Variants in LMO7 observed in about 807,000 individuals in gnomAD.
LMO7 encodes LIM domain 7, also known as LIM domain only protein 7.
A neutral mutation model predicts 206.5 loss-of-function variants in LMO7; 120 were observed. The observed-to-expected ratio is 0.58, with a 90% confidence interval of 0.50 to 0.68. The LOEUF (loss-of-function observed/expected upper bound fraction) is 0.68, where lower values mean the gene tolerates loss of function less well. Among genes scored for constraint, LMO7 ranks in the 30% least tolerant of loss-of-function variants. The pLI, the probability that LMO7 is intolerant of heterozygous loss-of-function variation, is 0.00. For missense variants in LMO7, 1,959 were observed against 1,957.9 expected (o/e 1.00, Z -0.01); for synonymous variants, 706 against 681.5 (o/e 1.04, Z -0.56).
At chr13:75,777,165 T>G (rs1313897721) in intron 4 of LMO7, among the ~76,000 whole-genome samples, 1 of 151,192 alleles carries the variant, frequency 6.6e-6, no homozygotes, top group Non-Finnish European at 1.5e-5. Flanking sequence ...GTTTTATTTC[T>G]TTTTTTTCTT....
chr13:75,701,059 A>G (rs1304368078), intron 1 of LMO7, among the ~76,000 whole-genome samples: 1 of 152,170 alleles, frequency 6.6e-6, no homozygotes, highest in East Asian at 1.9e-4. Flanking sequence ...TTTGGCTGTT[A>G]TGAACATTCA....
rs566350795 is a variant in LMO7 at position 75,727,158 on chromosome 13, G to A, written c.210+60G>A. 21 of 1,089,888 alleles carry A rather than the reference G, an allele frequency of 1.9e-5. No individual in the cohort carries two copies. The African/African-American group carries it at 2.7e-4, about 14-fold the overall frequency. The allele number at this position is 1,089,888 out of a possible 1,614,324, so 67.5% of individuals were successfully genotyped here. On this transcript the variant is annotated intron_variant, in intron 3 of 30. Coordinates refer to ENST00000377534, the MANE Select transcript of LMO7 (RefSeq NM_001306080.2). ...TTGTCTTTGAAATGTAAAGAGGTGG[G>A]CATAGGCAGATTTTTGTATCTGCAA...
In LMO7 at chr13:75,805,774, C is replaced by T. The variant is rs770277728; in HGVS notation, c.1196+14C>T. ...TCAGGGATTCAGGTTTGTCGTTGTG[C>T]ATGTTTCTGTCACACCAGTGTTCAT... On this transcript the variant is annotated intron_variant, in intron 9 of 30. Coordinates refer to ENST00000377534, the MANE Select transcript of LMO7 (RefSeq NM_001306080.2). 4 of 1,611,124 alleles carry T rather than the reference C, an allele frequency of 2.5e-6. No individual in the cohort carries two copies. The highest frequency in any genetic ancestry group is 1.1e-5 in the South Asian group (1 of 90,804).
At chr13:75,821,120 C>A in intron 13 of LMO7, 57 bp from the exon 14 acceptor site, 1 of 1,379,914 alleles carries the variant, frequency 7.2e-7, no homozygotes, top group Non-Finnish European at 9.9e-7. Flanking sequence ...ACTCTCTCAC[C>A]ACCTCTGTGT....
At chr13:75,803,066 A>T (rs1254421557) in intron 7 of LMO7, among the ~76,000 whole-genome samples, 1 of 152,236 alleles carries the variant, frequency 6.6e-6, no homozygotes, top group Non-Finnish European at 1.5e-5. Context: ...TGATATACTT[A>T]TTGGAAATGA....
rs1209497968 is a variant in LMO7 at position 75,760,984 on chromosome 13, C to T, written c.263C>T (p.Ala88Val). ...TGTGAACAGATTGGATTGAAAGAAG[C>T]CCAGCTTTTCCATCCTGGAGATCTA... ...KACEQIGLKE[A>V]QLFHPGDLQD... Residue 88 changes from alanine to valine, a missense_variant, in exon 4 of 31, where the codon GCC becomes GTC. Ala to Val is a moderately conservative substitution (Grantham distance 64). Transcript: ENST00000377534. The T allele has an allele frequency of 6.2e-7, 1 of 1,613,152 alleles. No homozygotes were observed. Among genetic ancestry groups the T allele is most frequent in the Admixed American group, 1.7e-5 (1 of 59,856 alleles).
intron 6 of LMO7, among the ~76,000 whole-genome samples, chr13:75,800,436 T>G (rs1327928645): frequency 6.6e-6 from 1 of 152,224 alleles, no homozygotes; most frequent in Non-Finnish European, 1.5e-5. Context: ...TATTAAATAA[T>G]ATTGAATATC....
chr13:75,772,416 T>C (rs1377971466), intron 4 of LMO7, among the ~76,000 whole-genome samples: 1 of 152,104 alleles, frequency 6.6e-6, no homozygotes, highest in African/African-American at 2.4e-5. Context: ...ATACTGCCTT[T>C]GAGTGAGTGG....
chr13:75,784,252 C>T (rs1013761091), intron 4 of LMO7, among the ~76,000 whole-genome samples: 7 of 152,032 alleles, frequency 4.6e-5, no homozygotes, highest in African/African-American at 1.7e-4. Context: ...TATATTATCT[C>T]GATTAACCTT....
At chr13:75,849,345 T>A in intron 27 of LMO7, 53 bp downstream of exon 27, 1 of 1,360,318 alleles carries the variant, frequency 7.4e-7, no homozygotes, top group Non-Finnish European at 1.1e-6. Flanking sequence ...GGCAGATATT[T>A]AATTTGTAGA....
chr13:75,739,966 C>T (rs1448399972), intron 3 of LMO7, among the ~76,000 whole-genome samples: 1 of 152,178 alleles, frequency 6.6e-6, no homozygotes, highest in African/African-American at 2.4e-5. Context: ...GGGAAAAAGC[C>T]CACTTCTCTT....
At chr13:75,656,195 T>C (rs1336761269) in intron 1 of LMO7, among the ~76,000 whole-genome samples, 2 of 152,294 alleles carry the variant, frequency 1.3e-5, no homozygotes, top group East Asian at 3.9e-4. Flanking sequence ...AGTTCTCCCA[T>C]GCTGAAGCTA....
intron 25 of LMO7, 151 bp downstream of exon 25, chr13:75,843,067 C>T (rs1026840298): frequency 6.1e-5 from 38 of 624,710 alleles, no homozygotes; most frequent in Non-Finnish European, 9.2e-5. Flanking sequence ...TATCAGTTAG[C>T]TTTTGCTGTG....
intron 15 of LMO7, among the ~76,000 whole-genome samples, chr13:75,831,319 A>G (rs1184191653): frequency 1.3e-5 from 2 of 152,190 alleles, no homozygotes; most frequent in African/African-American, 4.8e-5. Context: ...CAAAGTGCTA[A>G]GTATTGTATT....
chr13:75,789,279 G>A (rs1022500699), intron 4 of LMO7, among the ~76,000 whole-genome samples: 2 of 152,158 alleles, frequency 1.3e-5, no homozygotes, highest in East Asian at 3.8e-4. Flanking sequence ...CAGGATAGGG[G>A]CTGGGATTTG....
intron 3 of LMO7, among the ~76,000 whole-genome samples, chr13:75,739,109 T>C (rs909755465): frequency 6.6e-6 from 1 of 152,248 alleles, no homozygotes; most frequent in African/African-American, 2.4e-5. Context: ...TCATCCCTGA[T>C]TGAGAACTAC....
In LMO7 at chr13:75,830,776, C is replaced by G. The variant is rs77002457; in HGVS notation, c.2950-2275C>G. On this transcript the variant is annotated intron_variant, in intron 15 of 30. Transcript: ENST00000377534. ...TCCCTCTAGGGCTTAAGCTCATTCT[C>G]TTTGATCCTATATTTGGTAGAAAAG... 1.5e-3 allele frequency among the ~76,000 whole-genome samples: 221 copies of G among 152,304 alleles called. 1 individual carries two copies. The highest frequency in any genetic ancestry group is 5.1e-3 in the African/African-American group (213 of 41,576).
intron 27 of LMO7, among the ~76,000 whole-genome samples, chr13:75,852,082 T>C (rs1260128235): frequency 6.6e-6 from 1 of 152,220 alleles, no homozygotes; most frequent in East Asian, 1.9e-4. Context: ...TTAAAAGGCT[T>C]TATATTTGCT....
At chr13:75,780,860 C>T (rs530621968) in intron 4 of LMO7, among the ~76,000 whole-genome samples, 51 of 152,244 alleles carry the variant, frequency 3.3e-4, no homozygotes, top group Admixed American at 1.8e-3. Flanking sequence ...GTTTGGGTTC[C>T]CTGACTTCCT....
Sources: gnomAD v4.1 joint callset for allele counts (sites outside exome capture counted in the v4.1 genomes callset) on GRCh38, gnomAD v4.1.1 for gene constraint, MANE v1.5 for transcripts, NCBI Gene and HGNC (gene_info 2026-07-23, HGNC 2026-07-21) for gene names.